Variants in CPEB3 observed in about 807,000 individuals in gnomAD.
CPEB3 encodes cytoplasmic polyadenylation element-binding protein 3.
A neutral mutation model predicts 67.2 loss-of-function variants in CPEB3; 20 were observed. That is an observed-to-expected ratio of 0.30 (90% CI 0.21 to 0.43). CPEB3 has a LOEUF of 0.43. Ranked by LOEUF, CPEB3 falls within the 20% of genes least tolerant of loss-of-function variation. The probability of loss-of-function intolerance (pLI) is 1.00; values close to 1 mark genes in which losing one functional copy is unlikely to be tolerated. For missense variants in CPEB3, 746 were observed against 968.6 expected, an observed-to-expected ratio of 0.77 and a Z score of 3.05; for synonymous variants, 376 against 393.1, an observed-to-expected ratio of 0.96 and a Z score of 0.51.
chr10:92,139,622 A>G (rs1169908019), intron 6 of CPEB3, among the ~76,000 whole-genome samples: 2 of 152,236 alleles, frequency 1.3e-5, no homozygotes, highest in Non-Finnish European at 2.9e-5. Context: ...CTTGTCTTTG[A>G]TAGTACAACA....
At position 92,084,042 on chromosome 10, in the gene CPEB3, C is replaced by T. The variant is rs368435177; in HGVS notation, c.1688-2541G>A. ...ACTAAAATACAAAAAATTAGCCGGG[C>T]GTGGTGGCAGACGCCGGGAGGCTGA... On this transcript the variant is annotated intron_variant, in intron 8 of 9. Coordinates refer to ENST00000265997, the MANE Select transcript of CPEB3 (RefSeq NM_014912.5). Among the ~76,000 whole-genome samples the T allele has an allele frequency of 9.2e-5, 14 of 151,454 alleles. No individual in the cohort carries two copies. In the East Asian group the frequency reaches 1.2e-3, roughly 13 times the overall value.
chr10:92,083,325 C>G (rs1479400425), intron 8 of CPEB3, among the ~76,000 whole-genome samples: 1 of 152,224 alleles, frequency 6.6e-6, no homozygotes, highest in Non-Finnish European at 1.5e-5. Context: ...AATTACTAAG[C>G]CATATCAGCC....
intron 2 of CPEB3, among the ~76,000 whole-genome samples, chr10:92,205,122 C>T (rs1051239327): frequency 6.6e-6 from 1 of 152,052 alleles, no homozygotes; most frequent in African/African-American, 2.4e-5. Flanking sequence ...ACAGGTGCAG[C>T]TGTCTTAACC....
rs1845213727 is a variant in CPEB3, at chr10:92,119,302, C to T, written c.1454-8108G>A. ...TTTGCACTTTCAGATCCCCTTGGAG[C>T]AGTAGAGTACCTTGTAGAACATAAG... is the stretch of plus-strand genomic sequence containing the variant. On this transcript the variant is annotated intron_variant, in intron 6 of 9. Transcript: ENST00000265997. 3.4e-6 allele frequency: 5 copies of T among 1,464,236 alleles called. No homozygotes were observed. In the East Asian group the frequency reaches 1.1e-4, roughly 33 times the overall value. 90.7% of individuals were successfully genotyped at this position (1,464,236 alleles called of 1,614,324 possible). A position where few individuals can be genotyped will look rare whatever the true frequency, so the allele number is the denominator to read the frequency against.
chr10:92,270,113 G>C (rs1313203021), intron 1 of CPEB3, among the ~76,000 whole-genome samples: 1 of 152,206 alleles, frequency 6.6e-6, no homozygotes, highest in Non-Finnish European at 1.5e-5. Context: ...GCCTATGCAA[G>C]GTAGTAGGGA....
At chr10:92,062,072 T>A (rs1842377087) in intron 9 of CPEB3, among the ~76,000 whole-genome samples, 1 of 151,928 alleles carries the variant, frequency 6.6e-6, no homozygotes, top group Non-Finnish European at 1.5e-5. Flanking sequence ...TGAAACCCAA[T>A]CTCTACTGAA....
At chr10:92,066,911 T>C (rs1324517746) in intron 9 of CPEB3, among the ~76,000 whole-genome samples, 1 of 151,502 alleles carries the variant, frequency 6.6e-6, no homozygotes, top group Non-Finnish European at 1.5e-5. Flanking sequence ...TAGCCGGGCA[T>C]GATGGTAGGT....
chr10:92,167,254 C>A (rs1847788377), intron 4 of CPEB3, among the ~76,000 whole-genome samples: 1 of 152,192 alleles, frequency 6.6e-6, no homozygotes, highest in African/African-American at 2.4e-5. Flanking sequence ...TGGAATAACA[C>A]TTTTAATTTC....
intron 6 of CPEB3, chr10:92,118,934 G>T: frequency 8.3e-7 from 1 of 1,205,856 alleles, no homozygotes; most frequent in Admixed American, 1.7e-5. Context: ...GTTACTCCCT[G>T]GGAACTTTGA....
At chr10:92,167,374 T>C (rs1380260051) in intron 4 of CPEB3, among the ~76,000 whole-genome samples, 1 of 152,232 alleles carries the variant, frequency 6.6e-6, no homozygotes, top group Non-Finnish European at 1.5e-5. Context: ...CTTAATCATT[T>C]CTAGTTTTTG....
chr10:92,089,044 G>A (rs1843499296), intron 8 of CPEB3, among the ~76,000 whole-genome samples: 1 of 152,094 alleles, frequency 6.6e-6, no homozygotes, highest in South Asian at 2.1e-4. Context: ...ATTCAGTTTT[G>A]CATGACACAT....
chr10:92,163,279 A>C (rs1466467012), intron 4 of CPEB3, among the ~76,000 whole-genome samples: 1 of 152,184 alleles, frequency 6.6e-6, no homozygotes, highest in African/African-American at 2.4e-5. Flanking sequence ...TACTAAAAAT[A>C]CAAAATTAGC....
intron 4 of CPEB3, among the ~76,000 whole-genome samples, chr10:92,158,031 T>A (rs916970802): frequency 2.0e-5 from 3 of 147,270 alleles, no homozygotes; most frequent in African/African-American, 7.4e-5. Context: ...AGATCTCATT[T>A]AAAAAAAAAA....
At chr10:92,266,111 A>C (rs1393264019) in intron 1 of CPEB3, among the ~76,000 whole-genome samples, 1 of 152,244 alleles carries the variant, frequency 6.6e-6, no homozygotes, top group African/African-American at 2.4e-5. Flanking sequence ...AAGGGCCTCA[A>C]CAGATGTGGC....
At chr10:92,069,331 A>G (rs1014448735) in intron 9 of CPEB3, among the ~76,000 whole-genome samples, 1 of 152,224 alleles carries the variant, frequency 6.6e-6, no homozygotes, top group African/African-American at 2.4e-5. Flanking sequence ...GGTACAATGG[A>G]TAAAAGGTCA....
At chr10:92,106,227 C>CT (rs77616371) in intron 7 of CPEB3, among the ~76,000 whole-genome samples, 4,126 of 137,808 alleles carry the variant, frequency 0.03, 90 homozygotes, top group Admixed American at 0.065. Context: ...TACTATTAAC[C>CT]TTTTTTTTTT....
chr10:92,057,583 GC>G (rs1231528815), intron 9 of CPEB3, among the ~76,000 whole-genome samples: 1 of 152,336 alleles, frequency 6.6e-6, no homozygotes, highest in South Asian at 2.1e-4. Flanking sequence ...TGATAGTAGT[GC>G]CCCAGGGCCC....
chr10:92,261,700 C>A (rs966189512), intron 1 of CPEB3, among the ~76,000 whole-genome samples: 1 of 152,180 alleles, frequency 6.6e-6, no homozygotes, highest in Admixed American at 6.5e-5. Flanking sequence ...CCACCCACCT[C>A]GGCCTCCTAA....
intron 2 of CPEB3, among the ~76,000 whole-genome samples, chr10:92,234,828 G>A (rs1444164674): frequency 1.3e-5 from 2 of 152,164 alleles, no homozygotes; most frequent in Non-Finnish European, 2.9e-5. Flanking sequence ...ACGAGGCTGA[G>A]GCAGGAGAAT....
Sources: allele counts gnomAD v4.1 joint callset (sites outside exome capture counted in the v4.1 genomes callset), GRCh38; gene constraint gnomAD v4.1.1; transcripts MANE v1.5; gene names NCBI Gene and HGNC (gene_info 2026-07-23, HGNC 2026-07-21).